Variants in DPPA2 observed in about 807,000 individuals in gnomAD.
DPPA2 encodes the protein developmental pluripotency associated 2.
A neutral mutation model predicts 36.2 loss-of-function variants in DPPA2; 26 were observed. The observed-to-expected ratio is 0.72, with a 90% CI of 0.53 to 1.00. The LOEUF is 1.00. Ranked by LOEUF, DPPA2 falls within the 50% of genes least tolerant of loss-of-function variation. The pLI is 0.00. For synonymous variants in DPPA2, 113 were observed against 123.2 expected, an observed-to-expected ratio of 0.92 and a Z score of 0.55; for missense variants, 361 against 365.1, an observed-to-expected ratio of 0.99 and a Z score of 0.09.
chr3:109,297,793 C>T (rs1327679509), intron 8 of DPPA2, among the ~76,000 whole-genome samples: 2 of 152,036 alleles, frequency 1.3e-5, no homozygotes, highest in Non-Finnish European at 2.9e-5. Flanking sequence ...TCTAAGTATA[C>T]ACAACATTCT....
rs1224225143 is a variant in DPPA2, at chr3:109,308,447, C to T, written c.397-154G>A. ...GCACGATCTCGGCTCACCGCAACCT[C>T]CGCCTCCCAGGTTCAAGCTATTCTC... On this transcript the variant is annotated intron_variant, in intron 5 of 8. Transcript: ENST00000478945. 2.6e-5 allele frequency among the ~76,000 whole-genome samples: 4 copies of T among 152,162 alleles called. No homozygotes were observed. The East Asian group carries it at 5.8e-4, about 22-fold the overall frequency.
chr3:109,296,889 C>A (rs1707360481), intron 8 of DPPA2, among the ~76,000 whole-genome samples: 1 of 151,990 alleles, frequency 6.6e-6, no homozygotes, highest in African/African-American at 2.4e-5. Flanking sequence ...GAGTTCGAGA[C>A]CAGCCTGGGC....
chr3:109,313,934 G>A (rs1255061450), intron 2 of DPPA2, among the ~76,000 whole-genome samples: 1 of 152,264 alleles, frequency 6.6e-6, no homozygotes, highest in Non-Finnish European at 1.5e-5. Flanking sequence ...GACGGGTACA[G>A]TGATGCCTGT....
At position 109,310,493 on chromosome 3, in the gene DPPA2, C is replaced by T. The variant is rs1337678404; in HGVS notation, c.182-1163G>A. Among the ~76,000 whole-genome samples the T allele has an allele frequency of 2.0e-5, 3 of 149,692 alleles. No individual in the cohort carries two copies. The East Asian group carries it at 6.0e-4, about 30-fold the overall frequency. On this transcript the variant is annotated intron_variant, in intron 3 of 8. Coordinates refer to ENST00000478945, the MANE Select transcript of DPPA2 (RefSeq NM_138815.4). Reference sequence around the variant, plus strand: ...TATAATAGCAGACCTGGGACTCAAACCTATGTAGGTTTTTTTTGTTGTTTT... The same window carrying T: ...TATAATAGCAGACCTGGGACTCAAATCTATGTAGGTTTTTTTTGTTGTTTT...
At chr3:109,312,424 T>G (rs1307410129) in intron 3 of DPPA2, 121 bp downstream of exon 3, 6 of 1,287,540 alleles carry the variant, frequency 4.7e-6, no homozygotes, top group Non-Finnish European at 6.3e-6. Flanking sequence ...TAACACAGAT[T>G]AACAAGGTGA....
At chr3:109,301,180 T>C (rs770740544) in intron 7 of DPPA2, among the ~76,000 whole-genome samples, 13 of 151,756 alleles carry the variant, frequency 8.6e-5, no homozygotes, top group Admixed American at 2.0e-4. Context: ...GGTTTCACTA[T>C]GTTTCTCAGG....
intron 7 of DPPA2, among the ~76,000 whole-genome samples, 153 bp downstream of exon 7, chr3:109,304,322 G>A (rs1707509452): frequency 6.6e-6 from 1 of 151,802 alleles, no homozygotes; most frequent in Admixed American, 6.6e-5. Context: ...ATTCACTAGT[G>A]AGTTCTTCTT....
intron 6 of DPPA2, 57 bp from the exon 7 acceptor site, chr3:109,304,727 C>T (rs1707519282): frequency 6.6e-7 from 1 of 1,503,940 alleles, no homozygotes; most frequent in Non-Finnish European, 8.9e-7. Flanking sequence ...CCAACACAAC[C>T]TCTCAGCAAG....
At chr3:109,311,466 G>A (rs1191499112) in intron 3 of DPPA2, among the ~76,000 whole-genome samples, 3 of 152,084 alleles carry the variant, frequency 2.0e-5, no homozygotes, top group Non-Finnish European at 4.4e-5. Flanking sequence ...TGGGCCGGTC[G>A]CAGTGGCTCA....
chr3:109,313,478 T>C (rs1254189434), intron 2 of DPPA2, among the ~76,000 whole-genome samples: 1 of 152,218 alleles, frequency 6.6e-6, no homozygotes, highest in Non-Finnish European at 1.5e-5. Flanking sequence ...AGCAGGTAGA[T>C]AGAAAGAAAC....
Position 109,309,332 on chromosome 3 carries a change from T to C in DPPA2, c.182-2A>G, listed in dbSNP as rs753856667. 3.7e-6 allele frequency: 6 copies of C among 1,613,682 alleles called. No individual in the cohort carries two copies. The Admixed American group carries it at 1.0e-4, about 27-fold the overall frequency. On this transcript the variant is annotated splice_acceptor_variant, in intron 3 of 8. Coordinates refer to ENST00000478945, the MANE Select transcript of DPPA2 (RefSeq NM_138815.4). LOFTEE classifies it high-confidence loss of function. ...GCTCATTTGTTTGAAGTAGATGACC[T>C]AAGACAAGAATGGAACCAAAGTAGT...
intron 6 of DPPA2, among the ~76,000 whole-genome samples, chr3:109,305,634 T>C (rs1559697152): frequency 6.6e-6 from 1 of 151,702 alleles, no homozygotes; most frequent in Non-Finnish European, 1.5e-5. Context: ...ATTAGCTGGG[T>C]GTGGTGGCAC....
At chr3:109,294,982 C>T (rs181191760) in intron 8 of DPPA2, among the ~76,000 whole-genome samples, 99 of 152,228 alleles carry the variant, frequency 6.5e-4, no homozygotes, top group African/African-American at 2.2e-3. Flanking sequence ...GATTGCACCA[C>T]TGTACTCCAG....
Position 109,310,653 on chromosome 3 carries a change from G to C in DPPA2, c.182-1323C>G, listed in dbSNP as rs1477189298. On this transcript the variant is annotated intron_variant, in intron 3 of 8. Transcript: ENST00000478945. ...CCCGAGTAGGTGGGACTACAGGCAC[G>C]CGCCACCATGCCCAGCTAATTTTTG... Among the ~76,000 whole-genome samples, 52 of 151,400 alleles carry C rather than the reference G, an allele frequency of 3.4e-4. No individual in the cohort carries two copies. In the East Asian group the frequency reaches 9.0e-3, roughly 26 times the overall value.
At chr3:109,311,948 G>A (rs1347464393) in intron 3 of DPPA2, among the ~76,000 whole-genome samples, 2 of 152,126 alleles carry the variant, frequency 1.3e-5, no homozygotes, top group Non-Finnish European at 2.9e-5. Flanking sequence ...TAGAAGAGGA[G>A]ATTGAGCTTT....
rs142626331 is a variant in DPPA2 at position 109,298,052 on chromosome 3, A to C, written c.*22+2319T>G. ...CTTGAGCCTAGGAGTTCAAGGCTGC[A>C]ATGAGCTATGACTGCACCATTGCAC... is the stretch of plus-strand genomic sequence containing the variant. On this transcript the variant is annotated intron_variant, in intron 8 of 8. Coordinates refer to ENST00000478945, the MANE Select transcript of DPPA2 (RefSeq NM_138815.4). Among the ~76,000 whole-genome samples the C allele has an allele frequency of 5.6e-3, 849 of 152,188 alleles. 3 individuals are homozygous for C. Among genetic ancestry groups the C allele is most frequent in the Non-Finnish European group, 9.8e-3 (669 of 68,008 alleles).
At chr3:109,309,112 GT>G in intron 4 of DPPA2, 33 bp from the exon 5 acceptor site, 1 of 1,614,138 alleles carries the variant, frequency 6.2e-7, no homozygotes, top group Non-Finnish European at 8.5e-7. Context: ...TAAGTTAAAA[GT>G]TGACAAAGAC....
chr3:109,298,717 A>AAACAATAAT (rs1553693069), intron 8 of DPPA2, among the ~76,000 whole-genome samples: 1 of 141,874 alleles, frequency 7.0e-6, no homozygotes, highest in African/African-American at 2.6e-5. Context: ...TTCTGTCTAA[A>AAACAATAAT]AATAATAATA....
At chr3:109,302,910 A>G (rs926445369) in intron 7 of DPPA2, among the ~76,000 whole-genome samples, 3 of 152,068 alleles carry the variant, frequency 2.0e-5, no homozygotes, top group Admixed American at 6.6e-5. Flanking sequence ...ATTTTCCTGG[A>G]GAGCACATAG....
Sources: allele counts gnomAD v4.1 joint callset (sites outside exome capture counted in the v4.1 genomes callset), GRCh38; gene constraint gnomAD v4.1.1; transcripts MANE v1.5; gene names NCBI Gene and HGNC (gene_info 2026-07-23, HGNC 2026-07-21).